MAP2: variants seen among roughly 807,000 people sequenced by gnomAD.
The protein encoded by MAP2 is microtubule-associated protein 2.
A neutral mutation model predicts 137.6 loss-of-function variants in MAP2; 14 were observed. The observed-to-expected ratio is 0.10, with a 90% CI of 0.07 to 0.16. The LOEUF (loss-of-function observed/expected upper bound fraction) is 0.16. Ranked by LOEUF, MAP2 falls within the 10% of genes least tolerant of loss-of-function variation. The pLI, the probability that MAP2 is intolerant of heterozygous loss-of-function variation, is 1.00. For synonymous variants in MAP2, 786 were observed against 782.3 expected (o/e 1.00, Z -0.08); for missense variants, 2,088 against 2,191.5 (o/e 0.95, Z 0.94).
At chr2:209,434,214 G>C (rs1376459570) in intron 1 of MAP2, among the ~76,000 whole-genome samples, 1 of 151,968 alleles carries the variant, frequency 6.6e-6, no homozygotes, top group Non-Finnish European at 1.5e-5. Context: ...GTTGAGTTTA[G>C]CTTTAAATAC....
intron 5 of MAP2, among the ~76,000 whole-genome samples, chr2:209,658,631 A>G (rs1276905218): frequency 1.3e-5 from 2 of 151,632 alleles, no homozygotes; most frequent in Non-Finnish European, 2.9e-5. Context: ...CTCAGCCTCC[A>G]GAGTAGCTGA....
chr2:209,514,369 C>G (rs776150777), intron 2 of MAP2, among the ~76,000 whole-genome samples: 9 of 151,754 alleles, frequency 5.9e-5, no homozygotes, highest in Non-Finnish European at 8.8e-5. Flanking sequence ...AAAGAATGCT[C>G]TAGCTCATTC....
intron 4 of MAP2, among the ~76,000 whole-genome samples, chr2:209,625,586 G>A (rs529005940): frequency 6.6e-6 from 1 of 152,212 alleles, no homozygotes; most frequent in Admixed American, 6.5e-5. Flanking sequence ...GTGGATGCAG[G>A]GATTCACCTG....
chr2:209,510,770 T>A (rs1294449628), intron 2 of MAP2, among the ~76,000 whole-genome samples: 4 of 152,090 alleles, frequency 2.6e-5, no homozygotes, highest in Non-Finnish European at 4.4e-5. Flanking sequence ...GACGAGGTAA[T>A]GTTAATTTCA....
At chr2:209,527,852 G>A (rs2064316658) in intron 2 of MAP2, among the ~76,000 whole-genome samples, 1 of 152,170 alleles carries the variant, frequency 6.6e-6, no homozygotes, top group Non-Finnish European at 1.5e-5. Context: ...AGTCTTCCAA[G>A]TAATTCTGAT....
chr2:209,567,064 T>G (rs1335651803), intron 2 of MAP2, among the ~76,000 whole-genome samples: 1 of 152,194 alleles, frequency 6.6e-6, no homozygotes, highest in Non-Finnish European at 1.5e-5. Flanking sequence ...TCACTTTTCT[T>G]TATTTTTTTT....
At chr2:209,690,126 C>T (rs1010428193) in intron 7 of MAP2, among the ~76,000 whole-genome samples, 1 of 151,968 alleles carries the variant, frequency 6.6e-6, no homozygotes, top group Non-Finnish European at 1.5e-5. Flanking sequence ...ATAAAGCAGC[C>T]GGGAATTCTT....
At position 209,653,315 on chromosome 2, in the gene MAP2, C is replaced by T. The variant is rs762895577; in HGVS notation, c.145C>T (p.Pro49Ser). Residue 49 changes from proline to serine, a missense_variant, in exon 5 of 16, where the codon CCA becomes TCA. Physicochemically the swap from Pro to Ser is moderately conservative, Grantham distance 74. Around this residue, in one of 6 missense-constraint regions of MAP2, gnomAD observed 859 missense variants for 794.5 expected, o/e 1.08. Transcript: ENST00000682079. ...ACTTGTCCGAAGCGCCAATGGATTCCCATACAGGGAGGATGAAGAGGGTGC... is the reference window on the plus strand; with the variant it reads ...ACTTGTCCGAAGCGCCAATGGATTCTCATACAGGGAGGATGAAGAGGGTGC... ...EGLVRSANGF[P>S]YREDEEGAFG... 3 of 1,613,964 alleles carry T rather than the reference C, an allele frequency of 1.9e-6. No homozygotes were observed. Among genetic ancestry groups the T allele is most frequent in the South Asian group, 2.2e-5 (2 of 91,082 alleles).
rs995903530 is a variant in MAP2, at chr2:209,598,071, C to A, written c.-107+17971C>A. Among the ~76,000 whole-genome samples the A allele has an allele frequency of 5.3e-5, 8 of 151,772 alleles. No individual in the cohort carries two copies. In the East Asian group the frequency reaches 7.7e-4, roughly 15 times the overall value. ...CCCAGTCTGGAGTGTAGTGGCGCAA[C>A]CTTGGCTCACTGCAACCTCTGCCTC... On this transcript the variant is annotated intron_variant, in intron 3 of 15. Coordinates refer to ENST00000682079, the MANE Select transcript of MAP2 (RefSeq NM_001375505.1).
intron 2 of MAP2, among the ~76,000 whole-genome samples, chr2:209,568,295 AAAAT>A (rs1325373012): frequency 6.6e-6 from 1 of 152,006 alleles, no homozygotes; most frequent in African/African-American, 2.4e-5. Flanking sequence ...AGTTATTCAC[AAAAT>A]AAATATATGC....
intron 1 of MAP2, among the ~76,000 whole-genome samples, chr2:209,506,525 C>G (rs1275460317): frequency 6.6e-6 from 1 of 152,168 alleles, no homozygotes; most frequent in African/African-American, 2.4e-5. Flanking sequence ...TAGATGCTCC[C>G]TGTGGCGAGT....
At chr2:209,469,958 T>G (rs1278894028) in intron 1 of MAP2, among the ~76,000 whole-genome samples, 1 of 152,202 alleles carries the variant, frequency 6.6e-6, no homozygotes, top group Non-Finnish European at 1.5e-5. Context: ...TTAAGTGAAA[T>G]AGTAAATGTG....
chr2:209,625,602 G>T (rs2153532852), intron 4 of MAP2, among the ~76,000 whole-genome samples: 1 of 152,278 alleles, frequency 6.6e-6, no homozygotes, highest in East Asian at 1.9e-4. Flanking sequence ...ACCTGAGATT[G>T]CATACATGGC....
intron 1 of MAP2, among the ~76,000 whole-genome samples, chr2:209,494,803 G>A (rs2059558344): frequency 6.6e-6 from 1 of 152,172 alleles, no homozygotes; most frequent in African/African-American, 2.4e-5. Flanking sequence ...AACTAAAAGA[G>A]ATTGAGATAT....
chr2:209,640,595 A>C (rs1163630155), intron 4 of MAP2, among the ~76,000 whole-genome samples: 2 of 152,080 alleles, frequency 1.3e-5, no homozygotes, highest in Non-Finnish European at 2.9e-5. Context: ...ATCTGTTTAC[A>C]CTTATATTTG....
At chr2:209,500,943 G>C (rs116567549) in intron 1 of MAP2, among the ~76,000 whole-genome samples, 1 of 151,280 alleles carries the variant, frequency 6.6e-6, no homozygotes, top group African/African-American at 2.4e-5. Context: ...AGGCTGAGGC[G>C]GGAGGATCAT....
chr2:209,592,146 G>A (rs11887037), intron 3 of MAP2, among the ~76,000 whole-genome samples: 1,728 of 152,062 alleles, frequency 0.011, 35 homozygotes, highest in African/African-American at 0.04. Flanking sequence ...TCTTTAAAGG[G>A]GCAGATAGTA....
intron 1 of MAP2, among the ~76,000 whole-genome samples, chr2:209,428,618 T>G (rs569795492): frequency 3.3e-5 from 5 of 151,996 alleles, no homozygotes; most frequent in Non-Finnish European, 7.4e-5. Flanking sequence ...TTTCATTATA[T>G]TTATATTTCT....
At chr2:209,624,197 TAGAGCAACATCTTCCTAGA>T (rs1426111095) in intron 3 of MAP2, among the ~76,000 whole-genome samples, 3 of 152,236 alleles carry the variant, frequency 2.0e-5, no homozygotes, top group Non-Finnish European at 4.4e-5. Context: ...TCCTTACCTG[TAGAGCAACATCTTCCTAGA>T]AGATATGACG....
Sources: gnomAD v4.1 joint callset for allele counts (sites outside exome capture counted in the v4.1 genomes callset) on GRCh38, gnomAD v4.1.1 for gene constraint, gnomAD v4.1.1 regional missense constraint, MANE v1.5 for transcripts, NCBI Gene and HGNC (gene_info 2026-07-23, HGNC 2026-07-21) for gene names.